The following RAPGEF5 variants were observed in gnomAD, a reference collection of about 807,000 sequenced individuals.
RAPGEF5 encodes the protein Rap guanine nucleotide exchange factor 5.
In RAPGEF5, 65 loss-of-function variants were observed where a neutral mutation model predicts 125.2. The ratio of observed to expected loss-of-function variants is 0.52; its 90% CI spans 0.43 to 0.64. The LOEUF (loss-of-function observed/expected upper bound fraction) is 0.64. Ranked by LOEUF, RAPGEF5 falls within the 30% of genes least tolerant of loss-of-function variation. RAPGEF5 has a pLI of 0.00. For synonymous variants in RAPGEF5, 391 were observed against 385.9 expected (o/e 1.01, Z -0.16); for missense variants, 958 against 1,048.1 (o/e 0.91, Z 1.19).
intron 23 of RAPGEF5, among the ~76,000 whole-genome samples, chr7:22,134,156 T>G (rs1352680308): frequency 6.6e-6 from 1 of 152,236 alleles, no homozygotes; most frequent in Non-Finnish European, 1.5e-5. Flanking sequence ...TGTTGTATAT[T>G]TTTGCCAAAA....
At chr7:22,140,961 T>C (rs1367813571) in intron 20 of RAPGEF5, among the ~76,000 whole-genome samples, 1 of 152,168 alleles carries the variant, frequency 6.6e-6, no homozygotes, top group Non-Finnish European at 1.5e-5. Flanking sequence ...TGTAAAAATA[T>C]GAAGTACTTA....
intron 7 of RAPGEF5, among the ~76,000 whole-genome samples, chr7:22,265,923 C>T (rs561149961): frequency 1.3e-5 from 2 of 152,202 alleles, no homozygotes; most frequent in South Asian, 4.2e-4. Context: ...CTGTTCAATA[C>T]CCAAGATTGC....
chr7:22,194,079 G>A (rs769885229), intron 9 of RAPGEF5, 46 bp from the exon 10 acceptor site: 2 of 1,524,230 alleles, frequency 1.3e-6, no homozygotes, highest in Non-Finnish European at 1.8e-6. Flanking sequence ...GAAAAAGAGA[G>A]AGAAAATTAA....
intron 7 of RAPGEF5, among the ~76,000 whole-genome samples, chr7:22,237,423 T>C (rs1209550440): frequency 6.7e-6 from 1 of 149,786 alleles, no homozygotes; most frequent in Non-Finnish European, 1.5e-5. Context: ...TTGAGACTTA[T>C]ATTTGTTTTA....
At chr7:22,280,281 T>A (rs1302955164) in intron 6 of RAPGEF5, among the ~76,000 whole-genome samples, 1 of 152,172 alleles carries the variant, frequency 6.6e-6, no homozygotes, top group African/African-American at 2.4e-5. Flanking sequence ...TTTCTTGATA[T>A]GGCGTCACTT....
chr7:22,125,533 C>T (rs1456435725), intron 25 of RAPGEF5, 71 bp downstream of exon 25: 2 of 1,407,732 alleles, frequency 1.4e-6, no homozygotes, highest in East Asian at 4.6e-5. Context: ...GATTACCACC[C>T]AATACTTGTG....
At chr7:22,264,152 A>C (rs946806480) in intron 7 of RAPGEF5, among the ~76,000 whole-genome samples, 1 of 152,114 alleles carries the variant, frequency 6.6e-6, no homozygotes, top group Non-Finnish European at 1.5e-5. Context: ...CTGTTAAAAA[A>C]AATGCAACAG....
intron 7 of RAPGEF5, among the ~76,000 whole-genome samples, chr7:22,247,430 G>T (rs1227189239): frequency 6.6e-6 from 1 of 152,088 alleles, no homozygotes; most frequent in Admixed American, 6.6e-5. Context: ...CATGGAGGTG[G>T]GTTTTTCATG....
At chr7:22,284,230 C>T (rs1782745453) in intron 6 of RAPGEF5, among the ~76,000 whole-genome samples, 1 of 152,040 alleles carries the variant, frequency 6.6e-6, no homozygotes. Context: ...CAGGTATTGA[C>T]AGGTATAGGT....
At chr7:22,182,781 A>T (rs924981751) in intron 11 of RAPGEF5, among the ~76,000 whole-genome samples, 1 of 152,206 alleles carries the variant, frequency 6.6e-6, no homozygotes, top group African/African-American at 2.4e-5. Flanking sequence ...GGGAGACAGG[A>T]TATCAAGAGA....
intron 7 of RAPGEF5, among the ~76,000 whole-genome samples, chr7:22,247,317 T>A (rs1562487093): frequency 6.6e-6 from 1 of 152,210 alleles, no homozygotes; most frequent in Non-Finnish European, 1.5e-5. Flanking sequence ...AGCAAAGACA[T>A]GGTGATGCGG....
intron 3 of RAPGEF5, among the ~76,000 whole-genome samples, chr7:22,311,068 C>T (rs1048573155): frequency 6.6e-6 from 1 of 152,132 alleles, no homozygotes; most frequent in African/African-American, 2.4e-5. Flanking sequence ...CTCTATCACC[C>T]AGGGTGGAGT....
intron 9 of RAPGEF5, chr7:22,202,822 T>G (rs1271860533): frequency 4.8e-6 from 1 of 207,110 alleles, no homozygotes; most frequent in Non-Finnish European, 1.0e-5. Flanking sequence ...GGGTGGTCTA[T>G]CTCTCTGAGC....
chr7:22,298,904 A>C (rs1191948558), intron 5 of RAPGEF5, among the ~76,000 whole-genome samples: 1 of 152,170 alleles, frequency 6.6e-6, no homozygotes, highest in Non-Finnish European at 1.5e-5. Flanking sequence ...AGTTGTTCAT[A>C]ATATTCATTT....
rs529393946 is a variant in RAPGEF5 at position 22,140,245 on chromosome 7, C to G, written c.2187-130G>C. 14 of 727,524 alleles carry G rather than the reference C, an allele frequency of 1.9e-5. No individual in the cohort carries two copies. The South Asian group carries it at 2.3e-4, about 12-fold the overall frequency. The allele number at this position is 727,524 out of a possible 1,614,324, so 45.1% of individuals were successfully genotyped here. Reference sequence around the variant, plus strand: ...AATTCTGCTCTACAGCCTACGTACCCCTTACTGCCCTTCAGCTGTCTCTAA... The same window carrying G: ...AATTCTGCTCTACAGCCTACGTACCGCTTACTGCCCTTCAGCTGTCTCTAA... On this transcript the variant is annotated intron_variant, in intron 20 of 25. Coordinates refer to ENST00000665637, the MANE Select transcript of RAPGEF5 (RefSeq NM_012294.5).
At position 22,308,378 on chromosome 7, in the gene RAPGEF5, A is replaced by G. The variant is rs1237734389; in HGVS notation, c.641T>C (p.Leu214Pro). 1 of 1,589,392 alleles carries G rather than the reference A, an allele frequency of 6.3e-7. No homozygotes were observed. Among genetic ancestry groups the G allele is most frequent in the Non-Finnish European group, 8.6e-7 (1 of 1,166,514 alleles). ...ACCTCTGGCAGGAATGAGAGGCACA[A>G]GTTGCAGTAAAAGCTTGACACCATT... Reference protein sequence around the residue: ...WQNGVKLLLQLVPLIPARGGI... With the variant: ...WQNGVKLLLQPVPLIPARGGI... The change falls in exon 5 of 26, where the codon CTT becomes CCT. Residue 214 changes from leucine to proline, a missense_variant. Physicochemically the swap from Leu to Pro is moderately conservative, Grantham distance 98. Transcript: ENST00000665637.
chr7:22,249,980 G>T (rs1786576863), intron 7 of RAPGEF5, among the ~76,000 whole-genome samples: 2 of 152,170 alleles, frequency 1.3e-5, no homozygotes, highest in Non-Finnish European at 2.9e-5. Context: ...CACTGCTTTA[G>T]AAAAAACACA....
At chr7:22,189,541 G>T (rs1422705225) in intron 11 of RAPGEF5, among the ~76,000 whole-genome samples, 1 of 151,724 alleles carries the variant, frequency 6.6e-6, no homozygotes, top group Non-Finnish European at 1.5e-5. Context: ...TACCTTCCTC[G>T]TAATTCTCTC....
intron 11 of RAPGEF5, among the ~76,000 whole-genome samples, chr7:22,168,873 T>C (rs1029418812): frequency 6.6e-6 from 1 of 152,224 alleles, no homozygotes; most frequent in Non-Finnish European, 1.5e-5. Context: ...GAACCAAGGG[T>C]GTTAATGAAG....
Sources: gnomAD v4.1 joint callset for allele counts (sites outside exome capture counted in the v4.1 genomes callset) on GRCh38, gnomAD v4.1.1 for gene constraint, MANE v1.5 for transcripts, NCBI Gene and HGNC (gene_info 2026-07-23, HGNC 2026-07-21) for gene names.